Variants in PRKG1 observed in about 807,000 individuals in gnomAD.
PRKG1 encodes the protein protein kinase cGMP-dependent 1, also known as cGMP-dependent protein kinase 1.
Under a neutral mutation model 88.1 loss-of-function variants are expected in PRKG1, and 35 were observed. The observed-to-expected ratio is 0.40, with a 90% CI of 0.30 to 0.53. PRKG1 has a LOEUF of 0.53. PRKG1 is among the 20% of genes least tolerant of loss of function. The pLI is 0.59. For synonymous variants in PRKG1, 303 were observed against 292.5 expected (o/e 1.04, Z -0.37); for missense variants, 540 against 839.8 (o/e 0.64, Z 4.41).
intron 4 of PRKG1, among the ~76,000 whole-genome samples, chr10:51,884,342 G>A (rs1841512052): frequency 6.9e-6 from 1 of 144,756 alleles, no homozygotes; most frequent in South Asian, 2.4e-4. Flanking sequence ...CTACACGGGA[G>A]GCTGAGGCAG....
intron 2 of PRKG1, among the ~76,000 whole-genome samples, chr10:51,377,529 ATAG>A (rs1485460911): frequency 6.6e-6 from 1 of 152,140 alleles, no homozygotes; most frequent in Non-Finnish European, 1.5e-5. Context: ...AAAAGACAAC[ATAG>A]TAGAATACAA....
chr10:52,077,530 C>T (rs867245969), intron 7 of PRKG1, among the ~76,000 whole-genome samples: 1 of 152,044 alleles, frequency 6.6e-6, no homozygotes, highest in African/African-American at 2.4e-5. Flanking sequence ...ATCATGGTGA[C>T]AGTAATTAGA....
intron 1 of PRKG1, among the ~76,000 whole-genome samples, chr10:51,040,232 T>TTG (rs373057468): frequency 0.11 from 12,612 of 117,624 alleles, 681 homozygotes; most frequent in Admixed American, 0.13. Flanking sequence ...TCCATTCCAT[T>TTG]TGTGTGTGTG....
At chr10:51,942,317 A>C (rs1842927425) in intron 5 of PRKG1, among the ~76,000 whole-genome samples, 1 of 151,568 alleles carries the variant, frequency 6.6e-6, no homozygotes, top group African/African-American at 2.4e-5. Flanking sequence ...TTTTCTTGTA[A>C]ATTTGTTTGA....
chr10:51,097,939 C>T (rs1371638253), intron 1 of PRKG1, among the ~76,000 whole-genome samples: 1 of 65,646 alleles, frequency 1.5e-5, no homozygotes, highest in East Asian at 5.8e-4. Flanking sequence ...CCTCCACCCC[C>T]AGTTAACTGG....
intron 2 of PRKG1, among the ~76,000 whole-genome samples, chr10:51,372,870 G>A (rs1284468263): frequency 1.3e-5 from 2 of 151,988 alleles, no homozygotes; most frequent in African/African-American, 4.8e-5. Context: ...TATATTCCTG[G>A]AATAAACCCA....
At chr10:51,968,881 A>G (rs1425461892) in intron 5 of PRKG1, among the ~76,000 whole-genome samples, 1 of 151,850 alleles carries the variant, frequency 6.6e-6, no homozygotes, top group Non-Finnish European at 1.5e-5. Context: ...GTTCATCCCA[A>G]ATTATGAAAA....
intron 3 of PRKG1, among the ~76,000 whole-genome samples, chr10:51,784,648 A>G (rs568701529): frequency 2.6e-5 from 4 of 152,244 alleles, no homozygotes; most frequent in Non-Finnish European, 5.9e-5. Context: ...CTGTGACTGT[A>G]TCTACTTCTG....
chr10:51,945,918 C>G (rs1226295839), intron 5 of PRKG1, among the ~76,000 whole-genome samples: 1 of 150,642 alleles, frequency 6.6e-6, no homozygotes, highest in Non-Finnish European at 1.5e-5. Context: ...TTTGGTGAAT[C>G]TGACAATTAT....
chr10:51,346,055 A>C (rs1273892631), intron 2 of PRKG1, among the ~76,000 whole-genome samples: 4 of 152,182 alleles, frequency 2.6e-5, no homozygotes, highest in Non-Finnish European at 5.9e-5. Context: ...TTACTTGATC[A>C]TTTTATCACT....
intron 2 of PRKG1, among the ~76,000 whole-genome samples, chr10:51,377,711 G>A (rs971999436): frequency 2.6e-5 from 4 of 152,180 alleles, no homozygotes; most frequent in African/African-American, 9.6e-5. Flanking sequence ...AACAAAACCT[G>A]GCTATTTTGC....
intron 7 of PRKG1, among the ~76,000 whole-genome samples, chr10:52,107,372 G>C (rs890659265): frequency 2.6e-5 from 4 of 152,074 alleles, no homozygotes. Flanking sequence ...CAACAGTCAA[G>C]AAACTAAATG....
intron 8 of PRKG1, among the ~76,000 whole-genome samples, chr10:52,153,414 C>T (rs1362699739): frequency 6.6e-6 from 1 of 152,144 alleles, no homozygotes; most frequent in East Asian, 1.9e-4. Context: ...ACTTGTCTAC[C>T]ATCATAACAA....
At chr10:51,508,159 C>A (rs1043153936) in intron 3 of PRKG1, among the ~76,000 whole-genome samples, 2 of 151,994 alleles carry the variant, frequency 1.3e-5, no homozygotes, top group Non-Finnish European at 2.9e-5. Flanking sequence ...TTAAATGAGA[C>A]GGTACATGTA....
intron 7 of PRKG1, among the ~76,000 whole-genome samples, chr10:52,117,504 A>C (rs1589621228): frequency 6.6e-6 from 1 of 152,006 alleles, no homozygotes; most frequent in South Asian, 2.1e-4. Flanking sequence ...TTGAGGGATG[A>C]CCCAAGAATG....
intron 2 of PRKG1, among the ~76,000 whole-genome samples, chr10:51,460,653 A>G (rs1839720925): frequency 6.6e-6 from 1 of 152,324 alleles, no homozygotes; most frequent in Non-Finnish European, 1.5e-5. Flanking sequence ...ACATTTCAAA[A>G]GATAATGCAC....
Position 52,288,851 on chromosome 10 carries a change from A to T in PRKG1, c.1832+3A>T. 1 of 1,599,478 alleles carries T rather than the reference A, an allele frequency of 6.3e-7. No individual in the cohort carries two copies. The highest frequency in any genetic ancestry group is 8.5e-7 in the Non-Finnish European group (1 of 1,174,594). ...AATTTAATTAAAAAACTATGCAGGT[A>T]AGTATTTCAACCACATTATTTTTGA... On this transcript the variant is annotated splice_donor_region_variant and intron_variant, in intron 15 of 17. Coordinates refer to ENST00000373980, the MANE Select transcript of PRKG1 (RefSeq NM_006258.4).
At chr10:52,007,919 C>T (rs7906084) in intron 5 of PRKG1, among the ~76,000 whole-genome samples, 67,553 of 151,726 alleles carry the variant, frequency 0.45, 15,330 homozygotes, top group East Asian at 0.65. Context: ...AAAAATCACA[C>T]CAAACACAGT....
Position 51,712,747 on chromosome 10 carries a change from G to A in PRKG1, c.593-91838G>A, listed in dbSNP as rs930581101. On this transcript the variant is annotated intron_variant, in intron 3 of 17. Transcript: ENST00000373980. ...TGGGACTATAGGCGCCCGCCACCAC[G>A]CCCGGCTAATTTTTTGTATTTTTAG... is the stretch of plus-strand genomic sequence containing the variant. Among the ~76,000 whole-genome samples, 8 of 151,608 alleles carry A rather than the reference G, an allele frequency of 5.3e-5. No individual in the cohort carries two copies. In the South Asian group the frequency reaches 1.0e-3, roughly 20 times the overall value.
Sources: gnomAD v4.1 joint callset for allele counts (sites outside exome capture counted in the v4.1 genomes callset) on GRCh38, gnomAD v4.1.1 for gene constraint, MANE v1.5 for transcripts, NCBI Gene and HGNC (gene_info 2026-07-23, HGNC 2026-07-21) for gene names.